DNAH5: variants seen among roughly 807,000 people sequenced by gnomAD.
The protein encoded by DNAH5 is axonemal beta dynein heavy chain 5.
A neutral mutation model predicts 518.2 loss-of-function variants in DNAH5; 372 were observed. The observed-to-expected ratio is 0.72, with a 90% confidence interval of 0.66 to 0.78. DNAH5 has a LOEUF of 0.78. DNAH5 is among the 30% of genes least tolerant of loss of function. The pLI is 0.00. For missense variants in DNAH5, 5,523 were observed against 5,687.0 expected, an observed-to-expected ratio of 0.97 and a Z score of 0.93; for synonymous variants, 2,039 against 2,025.9, an observed-to-expected ratio of 1.01 and a Z score of -0.17.
Position 13,717,314 on chromosome 5 carries a change from CCTTTTT to C in DNAH5, c.12700_12705del (p.Lys4234_Lys4235del). On this transcript the variant is annotated inframe_deletion and splice_region_variant, in exon 73 of 79. Coordinates refer to ENST00000265104, the MANE Select transcript of DNAH5 (RefSeq NM_001369.3). ...GCATGAGGCAGCATGCGCGGCAGTACCTTTTTGACATCCATGTCATCCAAGTGGTTT... is the reference window on the plus strand; with the variant it reads ...GCATGAGGCAGCATGCGCGGCAGTACGACATCCATGTCATCCAAGTGGTTT... 6.2e-7 allele frequency: 1 copy of C among 1,613,456 alleles called. No individual in the cohort carries two copies. Among genetic ancestry groups the C allele is most frequent in the Non-Finnish European group, 8.5e-7 (1 of 1,179,824 alleles).
rs1561178169 is a variant in DNAH5, at chr5:13,753,391, T to C, written c.10714A>G (p.Thr3572Ala). The C allele has an allele frequency of 1.2e-6, 2 of 1,614,064 alleles. No individual in the cohort carries two copies. Among genetic ancestry groups the C allele is most frequent in the Non-Finnish European group, 1.7e-6 (2 of 1,179,962 alleles). ...CCTTGGAGGTTCCATTCACTAATAG[T>C]AGGAGCATCAATCAACATCTCACTG... ...NLSEMLIDAP[T>A]ISEWNLQGLP... The change falls in exon 63 of 79, where the codon ACT becomes GCT. Residue 3572 changes from threonine (T) to alanine (A), a missense_variant. Physicochemically the swap from Thr to Ala is moderately conservative, Grantham distance 58. Transcript: ENST00000265104.
Position 13,885,261 on chromosome 5 carries a change from T to C in DNAH5, c.2744-33A>G, listed in dbSNP as rs1214837953. 6 of 1,611,958 alleles carry C rather than the reference T, an allele frequency of 3.7e-6. No individual in the cohort carries two copies. In the African/African-American group the frequency reaches 8.0e-5, roughly 22 times the overall value. On this transcript the variant is annotated intron_variant, in intron 18 of 78. Coordinates refer to ENST00000265104, the MANE Select transcript of DNAH5 (RefSeq NM_001369.3). ...AAGATGAAAGAGATAGAGATAGAGATAAGTTAGATGGATGGATGGATAGAT... is the reference window on the plus strand; with the variant it reads ...AAGATGAAAGAGATAGAGATAGAGACAAGTTAGATGGATGGATGGATAGAT...
chr5:13,833,177 A>T (rs1763920179), intron 35 of DNAH5, among the ~76,000 whole-genome samples: 1 of 151,852 alleles, frequency 6.6e-6, no homozygotes, highest in Non-Finnish European at 1.5e-5. Context: ...ACAGTGGCTC[A>T]TGCCTGTAAT....
chr5:13,733,827 T>A (rs1038696166), intron 68 of DNAH5, among the ~76,000 whole-genome samples: 6 of 152,082 alleles, frequency 3.9e-5, no homozygotes, highest in Non-Finnish European at 8.8e-5. Context: ...TCCCTACTGT[T>A]CCCCTAGGGG....
At chr5:13,915,170 G>T (rs1163376311) in intron 9 of DNAH5, among the ~76,000 whole-genome samples, 1 of 151,976 alleles carries the variant, frequency 6.6e-6, no homozygotes, top group Admixed American at 6.6e-5. Context: ...TTAATTTTTT[G>T]GATAAAGCAT....
At chr5:13,990,643 G>A (rs565504823) in intron 1 of DNAH5, among the ~76,000 whole-genome samples, 23 of 152,266 alleles carry the variant, frequency 1.5e-4, no homozygotes, top group African/African-American at 4.1e-4. Context: ...CAAGGCGGGC[G>A]GATTGCTTGA....
chr5:13,795,357 A>G (rs1757663590), intron 47 of DNAH5, among the ~76,000 whole-genome samples: 1 of 152,272 alleles, frequency 6.6e-6, no homozygotes, highest in South Asian at 2.1e-4. Context: ...ATAAAAAATG[A>G]TAAAGGGGAT....
intron 47 of DNAH5, among the ~76,000 whole-genome samples, chr5:13,795,658 C>G (rs566894561): frequency 5.3e-5 from 8 of 152,264 alleles, no homozygotes; most frequent in African/African-American, 1.7e-4. Flanking sequence ...TGAAACTATT[C>G]CAATCAATAG....
intron 60 of DNAH5, among the ~76,000 whole-genome samples, chr5:13,760,409 T>A (rs1326014863): frequency 6.6e-6 from 1 of 152,158 alleles, no homozygotes; most frequent in East Asian, 1.9e-4. Context: ...TTAAATAAGA[T>A]AACATATGTA....
intron 47 of DNAH5, among the ~76,000 whole-genome samples, chr5:13,794,527 C>T (rs529102518): frequency 2.0e-4 from 30 of 152,308 alleles, no homozygotes; most frequent in African/African-American, 5.3e-4. Context: ...ACAGCTCATA[C>T]CCACTCTTTT....
In DNAH5 at chr5:13,885,233, T is replaced by A. The variant is rs1392179441; in HGVS notation, c.2744-5A>T. The A allele has an allele frequency of 2.5e-6, 4 of 1,613,946 alleles. No homozygotes were observed. The highest frequency in any genetic ancestry group is 3.4e-6 in the Non-Finnish European group (4 of 1,179,960). Reference sequence around the variant, plus strand: ...AATTTCCTTCTTCTCTTTTTGCTGTTACAAGATGAAAGAGATAGAGATAGA... The same window carrying A: ...AATTTCCTTCTTCTCTTTTTGCTGTAACAAGATGAAAGAGATAGAGATAGA... On this transcript the variant is annotated splice_polypyrimidine_tract_variant and splice_region_variant and intron_variant, in intron 18 of 78. Coordinates refer to ENST00000265104, the MANE Select transcript of DNAH5 (RefSeq NM_001369.3).
Position 13,885,199 on chromosome 5 carries a change from AG to A in DNAH5, c.2772del (p.Leu925Ter), listed in dbSNP as rs1554090622. 3.1e-6 allele frequency: 5 copies of A among 1,614,214 alleles called. No individual in the cohort carries two copies. In the Admixed American group the frequency reaches 6.7e-5, roughly 22 times the overall value. ...SAKREEGNFD[T>X]LTSSINARAN... ...GCCCTGGCATTAATAGATGATGTCAAGGTGTCAAAATTTCCTTCTTCTCTTT... is the reference window on the plus strand; with the variant it reads ...GCCCTGGCATTAATAGATGATGTCAAGTGTCAAAATTTCCTTCTTCTCTTT... On this transcript the variant is annotated frameshift_variant, in exon 19 of 79. Coordinates refer to ENST00000265104, the MANE Select transcript of DNAH5 (RefSeq NM_001369.3). LOFTEE classifies it high-confidence loss of function.
At chr5:13,894,926 G>C in intron 15 of DNAH5, 105 bp from the exon 16 acceptor site, 5 of 1,298,172 alleles carry the variant, frequency 3.9e-6, no homozygotes, top group Non-Finnish European at 5.5e-6. Flanking sequence ...GGGTCAAACT[G>C]TAGGGCTCTA....
intron 65 of DNAH5, among the ~76,000 whole-genome samples, chr5:13,741,020 T>A: frequency 6.6e-6 from 1 of 152,216 alleles, no homozygotes; most frequent in East Asian, 1.9e-4. Flanking sequence ...CCATTAACAC[T>A]GCAGATTGAA....
chr5:13,809,020 G>A lies in DNAH5; in HGVS notation c.7752+24C>T, dbSNP rs112778044. The A allele has an allele frequency of 4.2e-3, 6,813 of 1,612,822 alleles. 207 individuals carry two copies. The African/African-American group carries it at 0.07, about 17-fold the overall frequency. On this transcript the variant is annotated intron_variant, in intron 46 of 78. Transcript: ENST00000265104. ...ATGTCTCCCCTTAAAATATGCTACA[G>A]TTAATAAAAATTAAAAGTCATACCT...
chr5:13,904,267 T>C (rs1336581494), intron 12 of DNAH5, among the ~76,000 whole-genome samples: 2 of 150,782 alleles, frequency 1.3e-5, no homozygotes, highest in Non-Finnish European at 3.0e-5. Flanking sequence ...AAAACAACAA[T>C]CAATGTAAAT....
chr5:13,921,588 T>G (rs1166308376), intron 5 of DNAH5, among the ~76,000 whole-genome samples: 1 of 149,908 alleles, frequency 6.7e-6, no homozygotes, highest in Non-Finnish European at 1.5e-5. Flanking sequence ...GCACAAATCA[T>G]ACAGAAACTA....
chr5:13,861,330 T>C (rs913338177), intron 29 of DNAH5, among the ~76,000 whole-genome samples: 3 of 152,224 alleles, frequency 2.0e-5, no homozygotes, highest in African/African-American at 7.2e-5. Flanking sequence ...TATATCCCAA[T>C]ATTACTTTAG....
At chr5:13,775,972 CAAAAAAA>C (rs369053509) in intron 55 of DNAH5, among the ~76,000 whole-genome samples, 15 of 106,610 alleles carry the variant, frequency 1.4e-4, no homozygotes, top group African/African-American at 4.8e-4. Context: ...CAAAAGCTTT[CAAAAAAA>C]AAAAAAAAAA....
Sources: allele counts gnomAD v4.1 joint callset (sites outside exome capture counted in the v4.1 genomes callset), GRCh38; gene constraint gnomAD v4.1.1; transcripts MANE v1.5; gene names NCBI Gene and HGNC (gene_info 2026-07-23, HGNC 2026-07-21).